The following PKD1L1 variants were observed in gnomAD, a reference collection of about 807,000 sequenced individuals.
PKD1L1 encodes polycystin-1-like protein 1.
Under a neutral mutation model 323.4 loss-of-function variants are expected in PKD1L1, and 236 were observed. The ratio of observed to expected loss-of-function variants is 0.73; its 90% confidence interval spans 0.66 to 0.81. The LOEUF is 0.81. Ranked by LOEUF, PKD1L1 falls within the 40% of genes least tolerant of loss-of-function variation. PKD1L1 has a pLI of 0.00. For synonymous variants in PKD1L1, 1,344 were observed against 1,335.0 expected (o/e 1.01, Z -0.15); for missense variants, 3,320 against 3,508.0 (o/e 0.95, Z 1.35).
At chr7:47,914,523 A>G (rs1358898912) in intron 8 of PKD1L1, among the ~76,000 whole-genome samples, 1 of 152,210 alleles carries the variant, frequency 6.6e-6, no homozygotes, top group East Asian at 1.9e-4. Context: ...ACACAAAGGA[A>G]GAGGCTTGGG....
intron 13 of PKD1L1, among the ~76,000 whole-genome samples, chr7:47,900,856 C>A (rs1184298171): frequency 6.6e-6 from 1 of 152,100 alleles, no homozygotes; most frequent in Non-Finnish European, 1.5e-5. Context: ...ATTATGTAAT[C>A]AAAAGGCTGC....
At chr7:47,920,298 C>CAAA (rs58524433) in intron 7 of PKD1L1, among the ~76,000 whole-genome samples, 2,282 of 140,344 alleles carry the variant, frequency 0.016, 20 homozygotes, top group Middle Eastern at 0.043. Flanking sequence ...CAAACAAAAA[C>CAAA]AAAAAAAAAA....
intron 3 of PKD1L1, among the ~76,000 whole-genome samples, chr7:47,937,259 T>TGGGGGGGGGGGGGGG (rs10610147): frequency 1.4e-5 from 1 of 73,154 alleles, no homozygotes; most frequent in Non-Finnish European, 2.6e-5. Flanking sequence ...GGGGTGGGGG[T>TGGGGGGGGGGGGGGG]GGGGGGGGGG....
intron 45 of PKD1L1, among the ~76,000 whole-genome samples, chr7:47,825,914 C>T (rs1404579447): frequency 6.6e-6 from 1 of 152,044 alleles, no homozygotes; most frequent in African/African-American, 2.4e-5. Flanking sequence ...TTCCTAAATG[C>T]TTTCTCTGGG....
chr7:47,938,557 C>T (rs1015563827), intron 3 of PKD1L1, among the ~76,000 whole-genome samples: 2 of 152,190 alleles, frequency 1.3e-5, no homozygotes, highest in African/African-American at 4.8e-5. Context: ...CAGCAAACTG[C>T]CCAGCACGTC....
In PKD1L1 at chr7:47,877,448, G is replaced by A. The variant is rs200926307; in HGVS notation, c.3663+41C>T. ...ACTGCTGTGACTGCCAGATGCCACTGTCGGGGGTCTCTCAGGACAGACATG... is the reference window on the plus strand; with the variant it reads ...ACTGCTGTGACTGCCAGATGCCACTATCGGGGGTCTCTCAGGACAGACATG... On this transcript the variant is annotated intron_variant, in intron 22 of 56. Transcript: ENST00000289672. 50 of 1,608,176 alleles carry A rather than the reference G, an allele frequency of 3.1e-5. No homozygotes were observed. In the East Asian group the frequency reaches 1.1e-3, roughly 34 times the overall value.
At position 47,787,417 on chromosome 7, in the gene PKD1L1, G is replaced by A. The variant is rs539315584; in HGVS notation, c.8526+5210C>T. Among the ~76,000 whole-genome samples the A allele has an allele frequency of 2.0e-4, 30 of 152,208 alleles. 2 individuals are homozygous for A. The South Asian group carries it at 5.0e-3, about 25-fold the overall frequency. On this transcript the variant is annotated intron_variant, in intron 56 of 56. Coordinates refer to ENST00000289672, the MANE Select transcript of PKD1L1 (RefSeq NM_138295.5). The stretch of plus-strand genomic sequence containing the variant: ...TTATGATTGCATTGTTGCTGAAAAC[G>A]TCCCACTCATACACAAGAAAAGTAA...
chr7:47,776,771 T>C (rs1008091785), intron 56 of PKD1L1, among the ~76,000 whole-genome samples: 3 of 152,326 alleles, frequency 2.0e-5, no homozygotes, highest in Admixed American at 6.5e-5. Context: ...AGCACCATTA[T>C]GGAGAGAAAG....
At chr7:47,959,928 G>C in the PKD1L1 span, among the ~76,000 whole-genome samples, 2 of 151,764 alleles carry the variant, frequency 1.3e-5, no homozygotes, top group East Asian at 3.9e-4. Context: ...GGAATAGAAA[G>C]GGGGGAAAGG....
chr7:47,865,378 C>T, intron 25 of PKD1L1, 106 bp from the exon 26 acceptor site: 7 of 1,007,810 alleles, frequency 6.9e-6, no homozygotes, highest in East Asian at 2.7e-5. Flanking sequence ...AGTACAGATT[C>T]CCTGCTTTTT....
intron 56 of PKD1L1, among the ~76,000 whole-genome samples, chr7:47,790,034 G>A (rs1786902865): frequency 1.3e-5 from 2 of 151,724 alleles, no homozygotes; most frequent in African/African-American, 2.4e-5. Flanking sequence ...GACTACAGCC[G>A]CGTGCCATGA....
At chr7:47,800,943 C>A in intron 53 of PKD1L1, 64 bp from the exon 54 acceptor site, 1 of 1,421,000 alleles carries the variant, frequency 7.0e-7, no homozygotes, top group Non-Finnish European at 9.9e-7. Flanking sequence ...GAAGACTCAA[C>A]TTCCAAATGT....
At chr7:47,886,099 T>G in intron 17 of PKD1L1, 45 bp from the exon 18 acceptor site, 2 of 1,554,406 alleles carry the variant, frequency 1.3e-6, no homozygotes, top group Non-Finnish European at 1.7e-6. Flanking sequence ...AGCAAAAATA[T>G]AAAATATTTG....
chr7:47,885,532 C>T (rs1001941870), intron 18 of PKD1L1, among the ~76,000 whole-genome samples, 154 bp downstream of exon 18: 1 of 152,218 alleles, frequency 6.6e-6, no homozygotes. Context: ...ATGACTATTG[C>T]ACAACCAGCA....
chr7:47,889,279 T>C (rs898360386), intron 16 of PKD1L1, among the ~76,000 whole-genome samples: 2 of 152,212 alleles, frequency 1.3e-5, no homozygotes, highest in African/African-American at 4.8e-5. Flanking sequence ...TGAAAGACTA[T>C]TTTAAAATAA....
chr7:47,777,874 C>T (rs1266717722), intron 56 of PKD1L1, among the ~76,000 whole-genome samples: 1 of 152,206 alleles, frequency 6.6e-6, no homozygotes. Context: ...AAGGCACATG[C>T]CTGATGCCTT....
At chr7:47,889,394 C>T (rs76570063) in intron 16 of PKD1L1, among the ~76,000 whole-genome samples, 8,004 of 151,836 alleles carry the variant, frequency 0.053, 539 homozygotes, top group African/African-American at 0.16. Context: ...TAAATTGTGC[C>T]CCAATTGTTG....
At position 47,827,468 on chromosome 7, in the gene PKD1L1, C is replaced by A; in HGVS notation, c.6736G>T (p.Val2246Phe). 1 of 1,606,180 alleles carries A rather than the reference C, an allele frequency of 6.2e-7. No individual in the cohort carries two copies. The highest frequency in any genetic ancestry group is 1.3e-5 in the African/African-American group (1 of 75,018). The part of the protein sequence containing the change: ...IPDCAGEVEK[V>F]LAARQQARHL... The stretch of plus-strand genomic sequence containing the variant: ...CGAGCTTGTTGTCGGGCAGCCAAGA[C>A]CTGTCAGGGACAAGAGTGCTGTGAG... The change falls in exon 45 of 57, where the codon GTC becomes TTC. Residue 2246 changes from valine to phenylalanine, a missense_variant and splice_region_variant. Transcript: ENST00000289672.
At position 47,790,777 on chromosome 7, in the gene PKD1L1, G is replaced by GT. The variant is rs34956850; in HGVS notation, c.8526+1849dup. Reference sequence around the variant, plus strand: ...TTTATTTTTATTTTTTCTGTTTTCTGTTTTTTTTTTTGAGACGTGGTCTCA... The same window carrying GT: ...TTTATTTTTATTTTTTCTGTTTTCTGTTTTTTTTTTTTGAGACGTGGTCTCA... On this transcript the variant is annotated intron_variant, in intron 56 of 56. Transcript: ENST00000289672. Among the ~76,000 whole-genome samples the GT allele has an allele frequency of 6.3e-4, 92 of 146,430 alleles. 1 individual carries two copies. In the South Asian group the frequency reaches 9.9e-3, roughly 16 times the overall value.
Sources: allele counts gnomAD v4.1 joint callset (sites outside exome capture counted in the v4.1 genomes callset), GRCh38; gene constraint gnomAD v4.1.1; transcripts MANE v1.5; gene names NCBI Gene and HGNC (gene_info 2026-07-23, HGNC 2026-07-21).